WASF1: variants seen among roughly 807,000 people sequenced by gnomAD.
The protein encoded by WASF1 is WASP family member 1, also known as actin-binding protein WASF1.
WASF1 carries 7 observed loss-of-function variants against 50.5 expected under a neutral mutation model. The observed-to-expected ratio is 0.14, with a 90% CI of 0.08 to 0.26. The LOEUF is 0.26. Among genes scored for constraint, WASF1 ranks in the 10% least tolerant of loss-of-function variants. The pLI is 1.00. For synonymous variants in WASF1, 205 were observed against 244.0 expected, an observed-to-expected ratio of 0.84 and a Z score of 1.49; for missense variants, 470 against 694.7, an observed-to-expected ratio of 0.68 and a Z score of 3.64.
chr6:110,135,801 G>C (rs59311410), intron 3 of WASF1, among the ~76,000 whole-genome samples: 3 of 130,660 alleles, frequency 2.3e-5, no homozygotes, highest in East Asian at 4.8e-4. Flanking sequence ...TTTTGGCTAA[G>C]ATCAAGTGTA....
At chr6:110,134,130 T>C (rs1583974197) in intron 3 of WASF1, among the ~76,000 whole-genome samples, 1 of 151,964 alleles carries the variant, frequency 6.6e-6, no homozygotes, top group Admixed American at 6.5e-5. Context: ...TTGGTCAGGC[T>C]GGGTCTCGAA....
At chr6:110,133,505 A>G (rs1187093468) in intron 3 of WASF1, among the ~76,000 whole-genome samples, 2 of 152,204 alleles carry the variant, frequency 1.3e-5, no homozygotes, top group Non-Finnish European at 2.9e-5. Context: ...CATTCCCACT[A>G]GCAGTGTGAA....
intron 8 of WASF1, among the ~76,000 whole-genome samples, chr6:110,105,059 A>C (rs1397314593): frequency 6.6e-6 from 1 of 152,222 alleles, no homozygotes; most frequent in African/African-American, 2.4e-5. Context: ...CAATAAATCA[A>C]CAGTATTTCA....
chr6:110,176,030 T>C (rs4945851), intron 2 of WASF1, among the ~76,000 whole-genome samples: 42,354 of 151,920 alleles, frequency 0.28, 8,539 homozygotes, highest in African/African-American at 0.57. Flanking sequence ...CTAAGTATAC[T>C]GTTTCTGAGA....
chr6:110,118,546 A>T (rs183802181), intron 4 of WASF1, among the ~76,000 whole-genome samples: 1 of 152,198 alleles, frequency 6.6e-6, no homozygotes. Flanking sequence ...TCATAAAGCA[A>T]GTCCTTAGAG....
At chr6:110,176,529 C>T (rs941525998) in intron 2 of WASF1, among the ~76,000 whole-genome samples, 1 of 151,748 alleles carries the variant, frequency 6.6e-6, no homozygotes, top group Non-Finnish European at 1.5e-5. Flanking sequence ...TCTCTTTTCT[C>T]CTGAGATAAA....
rs528931194 is a variant in WASF1 at position 110,105,666 on chromosome 6, T to A, written c.541-87A>T. On this transcript the variant is annotated intron_variant, in intron 7 of 10. Transcript: ENST00000392589. ...ATAACAATCAAATTAAACTCTAACA[T>A]CAACACTGAAAAAGACAATGTCATC... 11 of 1,250,228 alleles carry A rather than the reference T, an allele frequency of 8.8e-6. No homozygotes were observed. The East Asian group carries it at 2.6e-4, about 29-fold the overall frequency. 77.4% of individuals were successfully genotyped at this position (1,250,228 alleles called of 1,614,324 possible).
intron 4 of WASF1, among the ~76,000 whole-genome samples, chr6:110,118,134 A>G (rs1457738695): frequency 6.6e-6 from 1 of 152,084 alleles, no homozygotes; most frequent in Non-Finnish European, 1.5e-5. Flanking sequence ...CTAACATGAT[A>G]ATGACAGGAT....
At chr6:110,114,871 T>C (rs1288748776) in intron 4 of WASF1, among the ~76,000 whole-genome samples, 1 of 150,554 alleles carries the variant, frequency 6.6e-6, no homozygotes, top group African/African-American at 2.4e-5. Flanking sequence ...GTGGGCAGAC[T>C]GCTTGAGCTC....
In WASF1 at chr6:110,113,424, T is replaced by C. The variant is rs141069208; in HGVS notation, c.170A>G (p.Asn57Ser). 766 of 1,602,702 alleles carry C rather than the reference T, an allele frequency of 4.8e-4. 2 individuals are homozygous for C. The highest frequency in any genetic ancestry group is 5.9e-4 in the Non-Finnish European group (691 of 1,175,256). The stretch of plus-strand genomic sequence containing the variant: ...TCTGAAGGAAAAACTATGTGCTTCA[T>C]TGAATAATTCTCCAAATATATCTTC... ...YAEDIFGELF[N>S]EAHSFSFRVN... The change falls in exon 5 of 11, where the codon AAT becomes AGT. Residue 57 changes from asparagine to serine, a missense_variant. Transcript: ENST00000392589.
intron 4 of WASF1, among the ~76,000 whole-genome samples, chr6:110,115,638 T>A (rs568873823): frequency 6.6e-6 from 1 of 152,302 alleles, no homozygotes; most frequent in South Asian, 2.1e-4. Flanking sequence ...CATAAGGACA[T>A]TTAAGACTCA....
intron 2 of WASF1, among the ~76,000 whole-genome samples, chr6:110,164,117 T>C (rs905321075): frequency 2.0e-5 from 3 of 151,652 alleles, no homozygotes; most frequent in Non-Finnish European, 3.0e-5. Context: ...GAAGGTACCA[T>C]AGCAGAAAAT....
At chr6:110,174,361 T>A (rs987553376) in intron 2 of WASF1, among the ~76,000 whole-genome samples, 11 of 152,174 alleles carry the variant, frequency 7.2e-5, no homozygotes, top group Non-Finnish European at 1.5e-4. Context: ...AGACCTGTCC[T>A]TTTTAGCACC....
intron 3 of WASF1, among the ~76,000 whole-genome samples, chr6:110,149,457 A>T (rs1345139753): frequency 5.3e-5 from 8 of 150,148 alleles, no homozygotes; most frequent in Admixed American, 1.3e-4. Context: ...TCTGTAGGAG[A>T]CAGCATGGAA....
intron 3 of WASF1, among the ~76,000 whole-genome samples, chr6:110,138,989 G>A (rs1775094803): frequency 1.3e-5 from 2 of 152,196 alleles, no homozygotes; most frequent in Non-Finnish European, 2.9e-5. Flanking sequence ...GGCTGTTCAT[G>A]CTGAGAGATG....
Position 110,103,471 on chromosome 6 carries a change from G to C in WASF1, c.800C>G (p.Ala267Gly). The C allele has an allele frequency of 6.2e-7, 1 of 1,614,028 alleles. No homozygotes were observed. The highest frequency in any genetic ancestry group is 8.5e-7 in the Non-Finnish European group (1 of 1,179,956). Reference protein sequence around the residue: ...FSQMSELLTRAEERVLVRPHE... With the variant: ...FSQMSELLTRGEERVLVRPHE... ...TGGTCTGACTAATACCCTTTCCTCA[G>C]CTCTAGTCAGAAGCTCACTCATCTG... is the stretch of plus-strand genomic sequence containing the variant. Residue 267 changes from alanine (A) to glycine (G), a missense_variant, in exon 9 of 11, where the codon GCT becomes GGT. Around this residue, in one of 3 missense-constraint regions of WASF1, gnomAD observed 294 missense variants for 343.5 expected, o/e 0.86. Coordinates refer to ENST00000392589, the MANE Select transcript of WASF1 (RefSeq NM_003931.3).
chr6:110,128,236 T>C (rs1322703863), intron 3 of WASF1, among the ~76,000 whole-genome samples: 1 of 152,194 alleles, frequency 6.6e-6, no homozygotes, highest in African/African-American at 2.4e-5. Context: ...AAAACGTTTT[T>C]TAAAAACTTG....
chr6:110,128,443 T>G (rs1430462297), intron 3 of WASF1, among the ~76,000 whole-genome samples: 1 of 152,154 alleles, frequency 6.6e-6, no homozygotes, highest in African/African-American at 2.4e-5. Flanking sequence ...ATGTATCAGG[T>G]GTTCAAAAGC....
intron 2 of WASF1, among the ~76,000 whole-genome samples, chr6:110,161,766 C>G (rs1380644979): frequency 6.6e-6 from 1 of 151,426 alleles, no homozygotes; most frequent in African/African-American, 2.4e-5. Flanking sequence ...TATGATGAAC[C>G]ATGTTACTTT....
Sources: allele counts gnomAD v4.1 joint callset (sites outside exome capture counted in the v4.1 genomes callset), GRCh38; gene constraint gnomAD v4.1.1; regional missense constraint gnomAD v4.1.1; transcripts MANE v1.5; gene names NCBI Gene and HGNC (gene_info 2026-07-23, HGNC 2026-07-21).